Variants in ATP6V1C2 observed in about 807,000 individuals in gnomAD.
ATP6V1C2 encodes ATPase H+ transporting V1 subunit C2.
ATP6V1C2 carries 45 observed loss-of-function variants against 56.8 expected under a neutral mutation model. The observed-to-expected ratio is 0.79, with a 90% CI of 0.62 to 1.02. The LOEUF (loss-of-function observed/expected upper bound fraction) is 1.02. ATP6V1C2 is among the 50% of genes least tolerant of loss of function. The probability of loss-of-function intolerance (pLI) is 0.00; values close to 1 mark genes in which losing one functional copy is unlikely to be tolerated. For missense variants in ATP6V1C2, 463 were observed against 519.7 expected, an observed-to-expected ratio of 0.89 and a Z score of 1.06; for synonymous variants, 220 against 201.3, an observed-to-expected ratio of 1.09 and a Z score of -0.79.
rs1661650402 is a variant in ATP6V1C2, at chr2:10,726,528, CCT to C, written c.161_162del (p.Ser54Ter). On this transcript the variant is annotated frameshift_variant, in exon 3 of 14. Coordinates refer to ENST00000272238, the MANE Select transcript of ATP6V1C2 (RefSeq NM_001039362.2). LOFTEE classifies it high-confidence loss of function. ...TGGGGACCTTGGATTCCCTGGTTGG[CCT>C]CTCTGATGAGTTGGGGAAACTCGAC... is the stretch of plus-strand genomic sequence containing the variant. ...KVGTLDSLVG[L>X]SDELGKLDTF... 6.2e-7 allele frequency: 1 copy of C among 1,613,806 alleles called. No homozygotes were observed. Among genetic ancestry groups the C allele is most frequent in the African/African-American group, 1.3e-5 (1 of 74,874 alleles).
chr2:10,733,747 C>T (rs997039975), intron 3 of ATP6V1C2, among the ~76,000 whole-genome samples: 3 of 149,258 alleles, frequency 2.0e-5, no homozygotes, highest in Admixed American at 6.7e-5. Flanking sequence ...GGCGCTGGGG[C>T]GGTCAGCGGG....
intron 4 of ATP6V1C2, among the ~76,000 whole-genome samples, chr2:10,757,972 G>A (rs1028114316): frequency 3.9e-5 from 6 of 152,160 alleles, no homozygotes; most frequent in Non-Finnish European, 8.8e-5. Context: ...TCCCCAACCC[G>A]CTCAAACTGG....
chr2:10,755,189 G>A (rs535658584), intron 4 of ATP6V1C2, among the ~76,000 whole-genome samples: 2 of 152,152 alleles, frequency 1.3e-5, no homozygotes, highest in South Asian at 4.2e-4. Context: ...GGCATATGCC[G>A]CCATGTCCAG....
chr2:10,764,100 G>A (rs901910698), intron 4 of ATP6V1C2, among the ~76,000 whole-genome samples: 2 of 152,160 alleles, frequency 1.3e-5, no homozygotes, highest in South Asian at 2.1e-4. Context: ...TCTTTGTAAT[G>A]GACAGTGAAG....
intron 12 of ATP6V1C2, among the ~76,000 whole-genome samples, chr2:10,779,449 A>G (rs1253572629): frequency 2.8e-4 from 8 of 28,526 alleles, no homozygotes; most frequent in Non-Finnish European, 4.3e-4. Context: ...ATATGTATGT[A>G]TATATATATA....
At position 10,777,634 on chromosome 2, in the gene ATP6V1C2, AC is replaced by A; in HGVS notation, c.876del (p.His292GlnfsTer5). On this transcript the variant is annotated frameshift_variant, in exon 11 of 14. Coordinates refer to ENST00000272238, the MANE Select transcript of ATP6V1C2 (RefSeq NM_001039362.2). LOFTEE classifies it high-confidence loss of function. ...LKKGSSTFPD[H>X]KVKVTPLGNP... ...AAGGGATCATCCACCTTCCCGGACC[AC>A]AAGGTTAAGGTAACCCCGCTAGGTA... 1.2e-6 allele frequency: 2 copies of A among 1,614,122 alleles called. No homozygotes were observed. The highest frequency in any genetic ancestry group is 1.7e-6 in the Non-Finnish European group (2 of 1,180,006).
rs759369148 is a variant in ATP6V1C2 at position 10,784,365 on chromosome 2, G to A, written c.*1102G>A. On this transcript the variant is annotated 3_prime_UTR_variant, in exon 14 of 14. Coordinates refer to ENST00000272238, the MANE Select transcript of ATP6V1C2 (RefSeq NM_001039362.2). ...GAAAGCCACTGTTAGATCTGCAGAA[G>A]GGGACACCCTGGAAGGTCAACATCT... 1.9e-6 allele frequency: 3 copies of A among 1,538,626 alleles called. No homozygotes were observed. In the South Asian group the frequency reaches 3.4e-5, roughly 18 times the overall value.
intron 3 of ATP6V1C2, among the ~76,000 whole-genome samples, chr2:10,733,362 G>T (rs747887696): frequency 6.6e-6 from 1 of 152,172 alleles, no homozygotes; most frequent in Non-Finnish European, 1.5e-5. Context: ...TGCTAGCTGG[G>T]TCTGTAACCT....
chr2:10,783,140 T>G, intron 13 of ATP6V1C2, 34 bp from the exon 14 acceptor site: 1 of 1,527,752 alleles, frequency 6.5e-7, no homozygotes, highest in Non-Finnish European at 9.1e-7. Flanking sequence ...AACTAGTTTA[T>G]GCACTTAGAG....
chr2:10,762,144 A>ATTT (rs1296850562), intron 4 of ATP6V1C2, among the ~76,000 whole-genome samples: 7 of 140,146 alleles, frequency 5.0e-5, no homozygotes, highest in African/African-American at 2.1e-4. Context: ...TTGAAGCATA[A>ATTT]ATTTTTTTTT....
intron 1 of ATP6V1C2, 37 bp from the exon 2 acceptor site, chr2:10,722,787 G>C: frequency 6.3e-7 from 1 of 1,595,276 alleles, no homozygotes; most frequent in Admixed American, 1.7e-5. Context: ...CTCTCCTTCT[G>C]TTTCTGTTTG....
rs1158149746 is a variant in ATP6V1C2 at position 10,772,582 on chromosome 2, TCA to T, written c.611_612del (p.Ser204Ter). 6.2e-7 allele frequency: 1 copy of T among 1,613,972 alleles called. No homozygotes were observed. Among genetic ancestry groups the T allele is most frequent in the Non-Finnish European group, 8.5e-7 (1 of 1,179,988 alleles). On this transcript the variant is annotated frameshift_variant, in exon 8 of 14. Transcript: ENST00000272238. LOFTEE classifies it high-confidence loss of function. ...ATGGCAAAAAACCTACGAATCTCTC[TCA>T]GACATGGTGGTCCCTCGATCAACCA... ...SQWQKTYESL[S>X]DMVVPRSTKL...
chr2:10,733,766 A>T (rs1662096203), intron 3 of ATP6V1C2, among the ~76,000 whole-genome samples: 2 of 118,928 alleles, frequency 1.7e-5, no homozygotes, highest in African/African-American at 7.5e-5. Flanking sequence ...GGACCTCAGC[A>T]GGACCTTCTG....
rs1664634266 is a variant in ATP6V1C2, at chr2:10,771,905, A to G, written c.537A>G (p.Glu179=). ...AAGAGGACTTCGTGCTGGATTCTGAATATCTCGTCACACTTCTGGTCATCG... is the reference window on the plus strand; with the variant it reads ...AAGAGGACTTCGTGCTGGATTCTGAGTATCTCGTCACACTTCTGGTCATCG... ...VSKEDFVLDS[E]YLVTLLVIVP... Residue 179 remains glutamate (E), a synonymous_variant, in exon 7 of 14, where the codon GAA becomes GAG. Transcript: ENST00000272238. 2 of 1,614,148 alleles carry G rather than the reference A, an allele frequency of 1.2e-6. No homozygotes were observed. Among genetic ancestry groups the G allele is most frequent in the Non-Finnish European group, 8.5e-7 (1 of 1,180,008 alleles).
intron 10 of ATP6V1C2, among the ~76,000 whole-genome samples, chr2:10,776,266 C>CTT (rs143266848): frequency 1.3e-5 from 2 of 151,026 alleles, no homozygotes; most frequent in African/African-American, 4.9e-5. Flanking sequence ...CGCTCACACA[C>CTT]GTGTGTGTGT....
chr2:10,739,703 A>G (rs539044414), intron 3 of ATP6V1C2, among the ~76,000 whole-genome samples: 9 of 152,206 alleles, frequency 5.9e-5, no homozygotes, highest in Admixed American at 5.9e-4. Context: ...TGTATAAGTT[A>G]TCTTTGCCTT....
At position 10,768,731 on chromosome 2, in the gene ATP6V1C2, A is replaced by T; in HGVS notation, c.391A>T (p.Ile131Phe). ...VDTIAKQLAQ[I>F]EMDLKSRTAA... ...TTTCCCAAAACAGCAACTGGCGCAG[A>T]TCGAGATGGACCTGAAGTCCCGAAC... The change falls in exon 6 of 14, where the codon ATC (isoleucine) becomes TTC (phenylalanine). Residue 131 changes from isoleucine to phenylalanine, a missense_variant. Physicochemically the swap from Ile to Phe is conservative, Grantham distance 21 (BLOSUM62 0). Coordinates refer to ENST00000272238, the MANE Select transcript of ATP6V1C2 (RefSeq NM_001039362.2). 6.2e-7 allele frequency: 1 copy of T among 1,614,038 alleles called. No homozygotes were observed. The highest frequency in any genetic ancestry group is 8.5e-7 in the Non-Finnish European group (1 of 1,180,030).
chr2:10,777,429 C>T (rs72777393), intron 10 of ATP6V1C2, among the ~76,000 whole-genome samples, 156 bp from the exon 11 acceptor site: 21,202 of 152,292 alleles, frequency 0.14, 1,866 homozygotes, highest in Non-Finnish European at 0.2. Context: ...GCCCGGTGGG[C>T]ACCTACCACA....
chr2:10,764,008 TATA>T lies in ATP6V1C2; in HGVS notation c.284-322_284-320del, dbSNP rs1252895765. ...CCCAGAGACTTTTCTCTAAATAGCA[TATA>T]CTGAAAAACGCACCTCCCTGCCGTT... On this transcript the variant is annotated intron_variant, in intron 4 of 13. Transcript: ENST00000272238. 1.5e-4 allele frequency among the ~76,000 whole-genome samples: 23 copies of T among 152,330 alleles called. No homozygotes were observed. The East Asian group carries it at 4.2e-3, about 28-fold the overall frequency.
Sources: gnomAD v4.1 joint callset for allele counts (sites outside exome capture counted in the v4.1 genomes callset) on GRCh38, gnomAD v4.1.1 for gene constraint, MANE v1.5 for transcripts, NCBI Gene and HGNC (gene_info 2026-07-23, HGNC 2026-07-21) for gene names.